The following FHIP2A variants were observed in gnomAD, a reference collection of about 807,000 sequenced individuals.
FHIP2A encodes the protein FHF complex subunit HOOK interacting protein 2A.
Under a neutral mutation model 93.5 loss-of-function variants are expected in FHIP2A, and 46 were observed. The ratio of observed to expected loss-of-function variants is 0.49; its 90% CI spans 0.39 to 0.63. The LOEUF (loss-of-function observed/expected upper bound fraction) is 0.63, where lower values mean the gene tolerates loss of function less well. FHIP2A is among the 20% of genes least tolerant of loss of function. The pLI, the probability that FHIP2A is intolerant of heterozygous loss-of-function variation, is 0.00. For missense variants in FHIP2A, 769 were observed against 909.7 expected, an observed-to-expected ratio of 0.85 and a Z score of 1.99; for synonymous variants, 332 against 326.5, an observed-to-expected ratio of 1.02 and a Z score of -0.18.
chr10:114,852,307 G>A (rs1204907707), intron 13 of FHIP2A, among the ~76,000 whole-genome samples: 1 of 152,030 alleles, frequency 6.6e-6, no homozygotes, highest in Admixed American at 6.6e-5. Flanking sequence ...TCTATCTGAG[G>A]TGTCCCCAAA....
At chr10:114,877,036 A>G (rs1335304646) in intron 16 of FHIP2A, among the ~76,000 whole-genome samples, 2 of 152,186 alleles carry the variant, frequency 1.3e-5, no homozygotes, top group African/African-American at 4.8e-5. Context: ...TACTCCTGAC[A>G]GTTAAGAACA....
In FHIP2A at chr10:114,863,181, G is replaced by A. The variant is rs2083810566; in HGVS notation, c.*1641G>A. ...GTAAAACAAAGAAAAAACAGAAGTG[G>A]GAGATAGTTATTTTGTGCGTAATTT... On this transcript the variant is annotated 3_prime_UTR_variant, in exon 17 of 17. Coordinates refer to ENST00000369248, the MANE Select transcript of FHIP2A (RefSeq NM_020940.4). 1 of 977,116 alleles carries A rather than the reference G, an allele frequency of 1.0e-6. No individual in the cohort carries two copies. Among genetic ancestry groups the A allele is most frequent in the Admixed American group, 6.2e-5 (1 of 16,240 alleles). The allele number at this position is 977,116 out of a possible 1,614,324, so 60.5% of individuals were successfully genotyped here.
chr10:114,833,135 C>A, intron 2 of FHIP2A, 98 bp from the exon 3 acceptor site: 1 of 900,728 alleles, frequency 1.1e-6, no homozygotes, highest in Non-Finnish European at 1.7e-6. Context: ...TCAGATTTTT[C>A]TCAGTTTGAA....
chr10:114,839,115 G>A (rs1189799204), intron 5 of FHIP2A, among the ~76,000 whole-genome samples: 1 of 151,950 alleles, frequency 6.6e-6, no homozygotes, highest in East Asian at 1.9e-4. Flanking sequence ...TTAGGGAGAC[G>A]CAGCGTTTTG....
At position 114,845,351 on chromosome 10, in the gene FHIP2A, C is replaced by T; in HGVS notation, c.1014-16C>T. ...TTGGATAACTTTGGACTTAGCAATT[C>T]TTCCTTGTCTTACAGCTTGGACTCA... is the stretch of plus-strand genomic sequence containing the variant. On this transcript the variant is annotated splice_polypyrimidine_tract_variant and intron_variant, in intron 7 of 16. Transcript: ENST00000369248. The T allele has an allele frequency of 1.3e-6, 2 of 1,506,754 alleles. No homozygotes were observed. The highest frequency in any genetic ancestry group is 1.8e-6 in the Non-Finnish European group (2 of 1,085,160). The allele number at this position is 1,506,754 out of a possible 1,614,324, so 93.3% of individuals were successfully genotyped here.
At chr10:114,889,470 C>A (rs1218867883) in intron 16 of FHIP2A, among the ~76,000 whole-genome samples, 2 of 152,218 alleles carry the variant, frequency 1.3e-5, no homozygotes, top group Non-Finnish European at 2.9e-5. Context: ...CTTGTTGGCA[C>A]CTGTGTTGCC....
At chr10:114,883,335 A>G (rs1456596297) in intron 16 of FHIP2A, among the ~76,000 whole-genome samples, 1 of 152,056 alleles carries the variant, frequency 6.6e-6, no homozygotes, top group Non-Finnish European at 1.5e-5. Flanking sequence ...TCCTCTTCTC[A>G]TATCCACGTG....
chr10:114,868,544 C>CT (rs1179214861), downstream of FHIP2A, among the ~76,000 whole-genome samples: 3 of 151,708 alleles, frequency 2.0e-5, no homozygotes, highest in Non-Finnish European at 2.9e-5. Context: ...GACAGGGAGT[C>CT]TTTAAAAAAA....
rs2083818905 is a variant in FHIP2A at position 114,864,508 on chromosome 10, A to C, written c.*2968A>C. 4.1e-6 allele frequency: 4 copies of C among 985,540 alleles called. No homozygotes were observed. In the South Asian group the frequency reaches 1.9e-4, roughly 46 times the overall value. 61.0% of individuals were successfully genotyped at this position (985,540 alleles called of 1,614,324 possible). ...TTACATTAAACAGGATATTTGGTAA[A>C]TTTTTTTGTATTGAAAGTTGTGTAG... is the stretch of plus-strand genomic sequence containing the variant. On this transcript the variant is annotated 3_prime_UTR_variant, in exon 17 of 17. Coordinates refer to ENST00000369248, the MANE Select transcript of FHIP2A (RefSeq NM_020940.4).
intron 16 of FHIP2A, among the ~76,000 whole-genome samples, chr10:114,870,556 A>G (rs2083854671): frequency 1.3e-5 from 2 of 152,160 alleles, no homozygotes; most frequent in South Asian, 2.1e-4. Context: ...AGCTAGACAC[A>G]TAAAACACTG....
In FHIP2A at chr10:114,823,349, A is replaced by G. The variant is rs542258915; in HGVS notation, c.45+1226A>G. Among the ~76,000 whole-genome samples the G allele has an allele frequency of 3.3e-5, 5 of 152,330 alleles. No homozygotes were observed. The East Asian group carries it at 9.6e-4, about 29-fold the overall frequency. The stretch of plus-strand genomic sequence containing the variant: ...GAGCAGTATTACACGGAGGGAAATG[A>G]CAGTGGTAGACTTCAAGACAACTTT... On this transcript the variant is annotated intron_variant, in intron 1 of 16. Coordinates refer to ENST00000369248, the MANE Select transcript of FHIP2A (RefSeq NM_020940.4).
Position 114,846,562 on chromosome 10 carries a change from A to G in FHIP2A, c.1402A>G (p.Ser468Gly). Residue 468 changes from serine to glycine, a missense_variant, in exon 11 of 17, where the codon AGC becomes GGC. Transcript: ENST00000369248. The stretch of plus-strand genomic sequence containing the variant: ...CTTTTATCAATTTTGGTTTCAGATA[A>G]GCATAATGACATTACGAATGTTTGA... ...EHCDHISDEI[S>G]IMTLRMFEHL... 6.3e-7 allele frequency: 1 copy of G among 1,586,094 alleles called. No individual in the cohort carries two copies. Among genetic ancestry groups the G allele is most frequent in the Non-Finnish European group, 8.5e-7 (1 of 1,170,056 alleles).
intron 16 of FHIP2A, among the ~76,000 whole-genome samples, chr10:114,873,779 G>T (rs1253923823): frequency 6.6e-6 from 1 of 152,030 alleles, no homozygotes; most frequent in Non-Finnish European, 1.5e-5. Context: ...ATCAATATAT[G>T]GGTGTTTTGT....
rs925469071 is a variant in FHIP2A at position 114,862,354 on chromosome 10, T to G, written c.*814T>G. 3 of 986,110 alleles carry G rather than the reference T, an allele frequency of 3.0e-6. No homozygotes were observed. The highest frequency in any genetic ancestry group is 1.1e-4 in the East Asian group (1 of 8,822). 61.1% of individuals were successfully genotyped at this position (986,110 alleles called of 1,614,324 possible). A position where few individuals can be genotyped will look rare whatever the true frequency, so the allele number is the denominator to read the frequency against. On this transcript the variant is annotated 3_prime_UTR_variant, in exon 17 of 17. Transcript: ENST00000369248. ...AGTAACATGTACTGGGTTGAGAACCTTTTTCCCCCCTCTCCCTCTCAGAAA... is the reference window on the plus strand; with the variant it reads ...AGTAACATGTACTGGGTTGAGAACCGTTTTCCCCCCTCTCCCTCTCAGAAA...
chr10:114,898,491 T>C (rs1457748374), intron 16 of FHIP2A, among the ~76,000 whole-genome samples: 1 of 152,164 alleles, frequency 6.6e-6, no homozygotes, highest in Non-Finnish European at 1.5e-5. Context: ...ACTTCTCCTC[T>C]ATCTACTGGG....
chr10:114,846,662 C>G lies in FHIP2A; in HGVS notation c.1502C>G (p.Thr501Arg), dbSNP rs529762463. The G allele has an allele frequency of 1.2e-6, 2 of 1,612,142 alleles. No homozygotes were observed. Among genetic ancestry groups the G allele is most frequent in the South Asian group, 1.1e-5 (1 of 90,534 alleles). The change falls in exon 11 of 17, where the codon ACA becomes AGA. Residue 501 changes from threonine to arginine, a missense_variant. By Grantham distance (71) the Thr-to-Arg change is moderately conservative. Coordinates refer to ENST00000369248, the MANE Select transcript of FHIP2A (RefSeq NM_020940.4). ...AGAAATCTTGAAGAAAGAAATTATACAGAATATAAACCTTTGTGCCCAGAA... is the reference window on the plus strand; with the variant it reads ...AGAAATCTTGAAGAAAGAAATTATAGAGAATATAAACCTTTGTGCCCAGAA... ...VLRNLEERNY[T>R]EYKPLCPEDK...
chr10:114,894,137 G>A (rs1288216945), intron 16 of FHIP2A, among the ~76,000 whole-genome samples: 2 of 152,126 alleles, frequency 1.3e-5, no homozygotes, highest in African/African-American at 4.8e-5. Context: ...ACCTCCTTAT[G>A]AGTTCTTCTT....
intron 5 of FHIP2A, 102 bp from the exon 6 acceptor site, chr10:114,842,831 T>G: frequency 1.4e-6 from 1 of 704,574 alleles, no homozygotes; most frequent in South Asian, 2.0e-5. Flanking sequence ...TATTGCTACT[T>G]TGGCTAGGCA....
intron 10 of FHIP2A, 48 bp downstream of exon 10, chr10:114,846,415 G>T: frequency 7.8e-7 from 1 of 1,277,472 alleles, no homozygotes; most frequent in South Asian, 1.3e-5. Flanking sequence ...TTTGAAATAC[G>T]GTTTTAATGT....
Sources: gnomAD v4.1 joint callset for allele counts (sites outside exome capture counted in the v4.1 genomes callset) on GRCh38, gnomAD v4.1.1 for gene constraint, MANE v1.5 for transcripts, NCBI Gene and HGNC (gene_info 2026-07-23, HGNC 2026-07-21) for gene names.